The following WWOX variants were observed in gnomAD, a reference collection of about 807,000 sequenced individuals.
WWOX encodes WW domain containing oxidoreductase, also known as WW domain-containing oxidoreductase.
A neutral mutation model predicts 46.2 loss-of-function variants in WWOX; 69 were observed. That is an observed-to-expected ratio of 1.49 (90% CI 1.23 to 1.82). The LOEUF is 1.82. WWOX is among the 40% of genes most tolerant of loss of function. WWOX has a pLI of 0.00. For synonymous variants in WWOX, 359 were observed against 202.6 expected (o/e 1.77, Z -6.56); for missense variants, 919 against 542.6 (o/e 1.69, Z -6.89).
rs576595062 is a variant in WWOX, at chr16:79,107,330, C to T, written c.1057-104278C>T. ...CTTCAACTCCTGAGCTCAAGTGATC[C>T]GCCCTTCTCGGCCTCCCAAAGTGCT... On this transcript the variant is annotated intron_variant, in intron 8 of 8. Transcript: ENST00000566780. 3.0e-3 allele frequency among the ~76,000 whole-genome samples: 458 copies of T among 152,034 alleles called. 2 individuals are homozygous for T. Among genetic ancestry groups the T allele is most frequent in the Middle Eastern group, 0.014 (4 of 292 alleles).
At chr16:79,106,637 A>C (rs1474546978) in intron 8 of WWOX, 1 of 108,564 alleles carries the variant, frequency 9.2e-6, no homozygotes, top group Non-Finnish European at 1.7e-5. Context: ...TGGTTCTGTC[A>C]CCCAGGTTGG....
intron 8 of WWOX, among the ~76,000 whole-genome samples, chr16:78,912,153 T>G (rs1355312978): frequency 6.6e-6 from 1 of 151,992 alleles, no homozygotes. Context: ...ATGATGCCAT[T>G]ACAGGTTGCT....
At chr16:78,564,277 A>G (rs1253342541) in intron 8 of WWOX, among the ~76,000 whole-genome samples, 3 of 152,222 alleles carry the variant, frequency 2.0e-5, no homozygotes, top group Admixed American at 2.0e-4. Context: ...ACTCTTCGGG[A>G]GCTGTTGTAA....
chr16:78,232,856 T>C (rs3041528), intron 5 of WWOX, among the ~76,000 whole-genome samples: 11,467 of 98,402 alleles, frequency 0.12, 1,367 homozygotes, highest in African/African-American at 0.36. Flanking sequence ...CTTTTCTTTT[T>C]TTTTAAGATG....
At chr16:79,095,792 T>G (rs1328128464) in intron 8 of WWOX, among the ~76,000 whole-genome samples, 1 of 151,504 alleles carries the variant, frequency 6.6e-6, no homozygotes, top group Non-Finnish European at 1.5e-5. Flanking sequence ...AAAGCCGACT[T>G]CACCCTTGCA....
chr16:78,333,043 C>CTTTTTTTTTTTTTTTTTTTTTTGTTTT (rs2080798761), intron 5 of WWOX, among the ~76,000 whole-genome samples: 1 of 57,094 alleles, frequency 1.8e-5, no homozygotes, highest in Non-Finnish European at 3.8e-5. Flanking sequence ...GAGCATTATA[C>CTTTTTTTTTTTTTTTTTTTTTTGTTTT]TTTTTTTTTT....
chr16:78,893,516 C>A (rs938896867), intron 8 of WWOX, among the ~76,000 whole-genome samples: 2 of 152,296 alleles, frequency 1.3e-5, no homozygotes, highest in Middle Eastern at 3.4e-3. Context: ...AGGTCACTGC[C>A]TAAGACACTT....
chr16:79,136,439 C>T (rs1351392602), intron 8 of WWOX, among the ~76,000 whole-genome samples: 1 of 152,078 alleles, frequency 6.6e-6, no homozygotes, highest in Non-Finnish European at 1.5e-5. Flanking sequence ...CCATGTTGGC[C>T]AGGATGGTCT....
chr16:78,180,474 A>G (rs934515862), intron 5 of WWOX, among the ~76,000 whole-genome samples: 1 of 151,976 alleles, frequency 6.6e-6, no homozygotes, highest in Non-Finnish European at 1.5e-5. Flanking sequence ...GCTGCACCCG[A>G]GATATGGGGT....
At chr16:78,399,087 A>T (rs1441057858) in intron 6 of WWOX, among the ~76,000 whole-genome samples, 1 of 146,020 alleles carries the variant, frequency 6.8e-6, no homozygotes, top group Non-Finnish European at 1.5e-5. Flanking sequence ...GGCTAGATGG[A>T]TGGAAGGGGT....
At chr16:78,725,775 G>T (rs1197322077) in intron 8 of WWOX, among the ~76,000 whole-genome samples, 1 of 152,032 alleles carries the variant, frequency 6.6e-6, no homozygotes, top group Non-Finnish European at 1.5e-5. Flanking sequence ...CTCCAGGGAT[G>T]ATCTACTCCA....
At chr16:78,769,821 A>C (rs562136449) in intron 8 of WWOX, among the ~76,000 whole-genome samples, 1 of 151,338 alleles carries the variant, frequency 6.6e-6, no homozygotes, top group African/African-American at 2.4e-5. Context: ...AGTGTGGACA[A>C]CATAGGGAGG....
rs1740122869 is a variant in WWOX at position 78,349,091 on chromosome 16, G to A, written c.517-37769G>A. 3.3e-5 allele frequency among the ~76,000 whole-genome samples: 4 copies of A among 120,164 alleles called. 1 individual carries two copies. The highest frequency in any genetic ancestry group is 2.4e-4 in the Admixed American group (3 of 12,380). The allele number at this position is 120,164 out of a possible 152,430, so 78.8% of individuals were successfully genotyped here. A position where few individuals can be genotyped will look rare whatever the true frequency, so the allele number is the denominator to read the frequency against. On this transcript the variant is annotated intron_variant, in intron 5 of 8. Transcript: ENST00000566780. ...GTGGAGCCTAGAATTCCAAGGTCAAGGTTCCGGCACAGTTGATGTCTTCTG... is the reference window on the plus strand; with the variant it reads ...GTGGAGCCTAGAATTCCAAGGTCAAAGTTCCGGCACAGTTGATGTCTTCTG...
At chr16:78,163,787 C>T (rs2034877070) in intron 4 of WWOX, among the ~76,000 whole-genome samples, 1 of 152,184 alleles carries the variant, frequency 6.6e-6, no homozygotes, top group Non-Finnish European at 1.5e-5. Context: ...GGCACAGGAT[C>T]TGGTCATTAT....
chr16:78,855,903 G>A lies in WWOX; in HGVS notation c.1057-355705G>A, dbSNP rs542494274. Among the ~76,000 whole-genome samples, 22 of 152,244 alleles carry A rather than the reference G, an allele frequency of 1.4e-4. 1 individual carries two copies. The highest frequency in any genetic ancestry group is 1.9e-4 in the East Asian group (1 of 5,182). On this transcript the variant is annotated intron_variant, in intron 8 of 8. Coordinates refer to ENST00000566780, the MANE Select transcript of WWOX (RefSeq NM_016373.4). Reference sequence around the variant, plus strand: ...CCCAGTCCTTACTCTCATGTAACTCGAAGTCTTTTACAGAAGACAGACTTG... The same window carrying A: ...CCCAGTCCTTACTCTCATGTAACTCAAAGTCTTTTACAGAAGACAGACTTG...
rs376905050 is a variant in WWOX, at chr16:79,128,324, CT to C, written c.1057-83283del. 3.3e-3 allele frequency among the ~76,000 whole-genome samples: 427 copies of C among 128,212 alleles called. 3 individuals carry two copies. The highest frequency in any genetic ancestry group is 0.013 in the African/African-American group (417 of 32,450). The allele number at this position is 128,212 out of a possible 152,430, so 84.1% of individuals were successfully genotyped here. On this transcript the variant is annotated intron_variant, in intron 8 of 8. Coordinates refer to ENST00000566780, the MANE Select transcript of WWOX (RefSeq NM_016373.4). ...ACTAATTTTGTTAGTACAACGTCCC[CT>C]AATAGCTAAGAGTTAAAAAAAAAAT... is the stretch of plus-strand genomic sequence containing the variant.
intron 8 of WWOX, among the ~76,000 whole-genome samples, chr16:78,502,124 G>A (rs2085085506): frequency 6.6e-6 from 1 of 152,114 alleles, no homozygotes; most frequent in Non-Finnish European, 1.5e-5. Flanking sequence ...ATCCACTGGA[G>A]CTTTGCAGGG....
rs1335200867 is a variant in WWOX, at chr16:78,340,129, T to G, written c.517-46731T>G. The stretch of plus-strand genomic sequence containing the variant: ...GATGTTAATGATAATTGTTTTAATT[T>G]TTCTTTTCTGTTTAGTTTCTATCTT... On this transcript the variant is annotated intron_variant, in intron 5 of 8. Transcript: ENST00000566780. 1.7e-5 allele frequency among the ~76,000 whole-genome samples: 2 copies of G among 116,952 alleles called. 1 individual carries two copies. Among genetic ancestry groups the G allele is most frequent in the African/African-American group, 5.8e-5 (2 of 34,658 alleles). The allele number at this position is 116,952 out of a possible 152,430, so 76.7% of individuals were successfully genotyped here. A position where few individuals can be genotyped will look rare whatever the true frequency, so the allele number is the denominator to read the frequency against.
At chr16:79,006,018 C>A (rs1483214388) in intron 8 of WWOX, among the ~76,000 whole-genome samples, 3 of 152,170 alleles carry the variant, frequency 2.0e-5, no homozygotes, top group Non-Finnish European at 2.9e-5. Flanking sequence ...TTTGCGGTCA[C>A]CTCTTATGTG....
Sources: gnomAD v4.1 joint callset for allele counts (sites outside exome capture counted in the v4.1 genomes callset) on GRCh38, gnomAD v4.1.1 for gene constraint, MANE v1.5 for transcripts, NCBI Gene and HGNC (gene_info 2026-07-23, HGNC 2026-07-21) for gene names.